TBC1D5: variants seen among roughly 807,000 people sequenced by gnomAD.
TBC1D5 encodes the protein TBC1 domain family member 5, also known as TBC1 domain family, member 5.
Under a neutral mutation model 100.3 loss-of-function variants are expected in TBC1D5, and 75 were observed. That is an observed-to-expected ratio of 0.75 (90% confidence interval 0.62 to 0.91). The LOEUF is 0.91. Ranked by LOEUF, TBC1D5 falls within the 40% of genes least tolerant of loss-of-function variation. TBC1D5 has a pLI of 0.00. For synonymous variants in TBC1D5, 323 were observed against 325.6 expected, an observed-to-expected ratio of 0.99 and a Z score of 0.09; for missense variants, 910 against 942.4, an observed-to-expected ratio of 0.97 and a Z score of 0.45.
At chr3:17,627,723 A>T (rs2153664303) in intron 1 of TBC1D5, among the ~76,000 whole-genome samples, 1 of 152,056 alleles carries the variant, frequency 6.6e-6, no homozygotes, top group Non-Finnish European at 1.5e-5. Flanking sequence ...AGAGACGAAA[A>T]CTAAATATCT....
chr3:17,213,273 T>G (rs2073200566), intron 18 of TBC1D5, among the ~76,000 whole-genome samples: 1 of 152,230 alleles, frequency 6.6e-6, no homozygotes, highest in Non-Finnish European at 1.5e-5. Context: ...GTAGTTTGTA[T>G]AAGTACACTC....
intron 3 of TBC1D5, among the ~76,000 whole-genome samples, chr3:17,457,367 G>T (rs1165749007): frequency 6.6e-6 from 1 of 151,842 alleles, no homozygotes; most frequent in African/African-American, 2.4e-5. Flanking sequence ...GTTCTGAATG[G>T]TTCATTATTA....
At chr3:17,369,183 CTAT>C (rs1284965500) in intron 13 of TBC1D5, among the ~76,000 whole-genome samples, 6 of 151,864 alleles carry the variant, frequency 4.0e-5, no homozygotes, top group Non-Finnish European at 7.4e-5. Context: ...TAAAACACGG[CTAT>C]TATAAGTTTG....
chr3:17,265,152 G>A (rs893792722), intron 15 of TBC1D5, among the ~76,000 whole-genome samples: 1 of 152,174 alleles, frequency 6.6e-6, no homozygotes, highest in South Asian at 2.1e-4. Flanking sequence ...GCTAGCATAT[G>A]AGAATATAAT....
At chr3:17,734,341 C>T (rs953020694) in intron 1 of TBC1D5, among the ~76,000 whole-genome samples, 3 of 151,704 alleles carry the variant, frequency 2.0e-5, no homozygotes, top group Admixed American at 2.0e-4. Context: ...AATAGAAGAC[C>T]CAATAGTAAA....
At chr3:17,208,453 C>T (rs999354038) in intron 18 of TBC1D5, among the ~76,000 whole-genome samples, 10 of 152,220 alleles carry the variant, frequency 6.6e-5, no homozygotes, top group Admixed American at 3.3e-4. Context: ...AGGCGCAATC[C>T]GATTAAGTGC....
At chr3:17,554,836 A>G (rs1203979472) in intron 2 of TBC1D5, among the ~76,000 whole-genome samples, 1 of 151,696 alleles carries the variant, frequency 6.6e-6, no homozygotes, top group Admixed American at 6.6e-5. Flanking sequence ...TCATATATTT[A>G]ATATCTGTGC....
chr3:17,452,418 T>C (rs1436938471), intron 3 of TBC1D5, among the ~76,000 whole-genome samples: 1 of 152,132 alleles, frequency 6.6e-6, no homozygotes, highest in Non-Finnish European at 1.5e-5. Flanking sequence ...GACACAGTGA[T>C]CTATTGCCTA....
chr3:17,479,539 T>C (rs902736119), intron 3 of TBC1D5, among the ~76,000 whole-genome samples: 15 of 152,148 alleles, frequency 9.9e-5, no homozygotes, highest in African/African-American at 3.6e-4. Context: ...ATAAACATGT[T>C]TGAACTTTAA....
At chr3:17,691,433 T>G (rs1013455770) in intron 1 of TBC1D5, among the ~76,000 whole-genome samples, 2 of 152,302 alleles carry the variant, frequency 1.3e-5, no homozygotes, top group South Asian at 2.1e-4. Context: ...TCCAATAAAT[T>G]TCATAGGAGA....
At chr3:17,344,604 G>A (rs1217567919) in intron 13 of TBC1D5, among the ~76,000 whole-genome samples, 1 of 152,064 alleles carries the variant, frequency 6.6e-6, no homozygotes, top group Non-Finnish European at 1.5e-5. Flanking sequence ...AGCCCGCATC[G>A]CCAAGTCAAT....
chr3:17,565,206 C>T (rs2096586002), intron 2 of TBC1D5, among the ~76,000 whole-genome samples: 1 of 152,104 alleles, frequency 6.6e-6, no homozygotes, highest in Non-Finnish European at 1.5e-5. Flanking sequence ...ATCCTACAAT[C>T]ATCTTTTCCC....
At chr3:17,522,147 A>G (rs1560077901) in intron 2 of TBC1D5, among the ~76,000 whole-genome samples, 1 of 152,120 alleles carries the variant, frequency 6.6e-6, no homozygotes, top group Non-Finnish European at 1.5e-5. Flanking sequence ...ATATTAAAAT[A>G]TTATTAAATA....
At chr3:17,166,079 A>G (rs1042631112) in intron 21 of TBC1D5, among the ~76,000 whole-genome samples, 6 of 152,228 alleles carry the variant, frequency 3.9e-5, no homozygotes, top group Non-Finnish European at 1.5e-5. Context: ...ATCTGAGAGT[A>G]GGGGTCAGCA....
chr3:17,437,967 T>A (rs1411186905), intron 3 of TBC1D5, among the ~76,000 whole-genome samples: 1 of 152,184 alleles, frequency 6.6e-6, no homozygotes, highest in African/African-American at 2.4e-5. Flanking sequence ...TATGATCTCA[T>A]TTTCCAGCAA....
At chr3:17,439,697 C>T (rs1191854754) in intron 3 of TBC1D5, among the ~76,000 whole-genome samples, 3 of 151,968 alleles carry the variant, frequency 2.0e-5, no homozygotes, top group Non-Finnish European at 4.4e-5. Context: ...AATTCTAAAT[C>T]CACGAATTGA....
At chr3:17,177,461 A>AG (rs567857863) in intron 19 of TBC1D5, among the ~76,000 whole-genome samples, 1 of 152,228 alleles carries the variant, frequency 6.6e-6, no homozygotes, top group Non-Finnish European at 1.5e-5. Context: ...TCAGGATGCT[A>AG]GGGGAGGCAG....
chr3:17,225,075 G>A (rs1225480990), intron 17 of TBC1D5, among the ~76,000 whole-genome samples: 1 of 152,118 alleles, frequency 6.6e-6, no homozygotes, highest in Admixed American at 6.5e-5. Flanking sequence ...GGATGATGGA[G>A]AGCACAGTCT....
At chr3:17,227,488 G>A (rs1379411442) in intron 17 of TBC1D5, among the ~76,000 whole-genome samples, 3 of 152,026 alleles carry the variant, frequency 2.0e-5, no homozygotes, top group Non-Finnish European at 2.9e-5. Flanking sequence ...AGTTGAAGGT[G>A]CCCCATTATA....
Sources: allele counts gnomAD v4.1 joint callset (sites outside exome capture counted in the v4.1 genomes callset), GRCh38; gene constraint gnomAD v4.1.1; transcripts MANE v1.5; gene names NCBI Gene and HGNC (gene_info 2026-07-23, HGNC 2026-07-21).